The following CLNK variants were observed in gnomAD, a reference collection of about 807,000 sequenced individuals.
CLNK encodes the protein cytokine-dependent hematopoietic cell linker.
A neutral mutation model predicts 68.6 loss-of-function variants in CLNK; 74 were observed. That is an observed-to-expected ratio of 1.08 (90% CI 0.89 to 1.31). CLNK has a LOEUF of 1.31. Among genes scored for constraint, CLNK ranks in the 50% most tolerant of loss-of-function variants. CLNK has a pLI of 0.00. For missense variants in CLNK, 553 were observed against 515.3 expected (o/e 1.07, Z -0.71); for synonymous variants, 198 against 172.2 (o/e 1.15, Z -1.17).
At chr4:10,630,371 A>G (rs541935133) in intron 2 of CLNK, among the ~76,000 whole-genome samples, 1 of 152,368 alleles carries the variant, frequency 6.6e-6, no homozygotes, top group East Asian at 1.9e-4. Context: ...GAGATTCATG[A>G]AAGTCAAAGG....
chr4:10,578,671 C>T (rs1165693048), intron 4 of CLNK, among the ~76,000 whole-genome samples: 16 of 139,288 alleles, frequency 1.1e-4, no homozygotes, highest in African/African-American at 4.3e-4. Flanking sequence ...ACTGCAACCT[C>T]TGCCTCCTGA....
intron 2 of CLNK, among the ~76,000 whole-genome samples, chr4:10,617,135 C>T (rs1722266837): frequency 6.6e-6 from 1 of 152,050 alleles, no homozygotes; most frequent in South Asian, 2.1e-4. Flanking sequence ...AATAGCAACA[C>T]AAAAGAAACA....
intron 4 of CLNK, among the ~76,000 whole-genome samples, chr4:10,583,369 C>A (rs907680541): frequency 6.6e-6 from 1 of 152,106 alleles, no homozygotes; most frequent in Non-Finnish European, 1.5e-5. Context: ...TCCCTGCAAC[C>A]TCCATCTCCC....
At chr4:10,696,317 G>T in the CLNK span, among the ~76,000 whole-genome samples, 1 of 152,068 alleles carries the variant, frequency 6.6e-6, no homozygotes, top group East Asian at 1.9e-4. Context: ...ACTCAACATG[G>T]GCTTCATCTG....
intron 2 of CLNK, among the ~76,000 whole-genome samples, chr4:10,607,347 C>G (rs546164384): frequency 6.6e-6 from 1 of 152,312 alleles, no homozygotes; most frequent in Non-Finnish European, 1.5e-5. Flanking sequence ...AGTGAAGACA[C>G]AGTGGGTCTT....
intron 15 of CLNK, among the ~76,000 whole-genome samples, chr4:10,514,908 G>GA (rs978739245): frequency 6.6e-6 from 1 of 152,052 alleles, no homozygotes; most frequent in Non-Finnish European, 1.5e-5. Flanking sequence ...AAATTTACAA[G>GA]AAAAAAACAA....
chr4:10,502,218 A>T (rs1717084287), intron 17 of CLNK, among the ~76,000 whole-genome samples: 1 of 152,228 alleles, frequency 6.6e-6, no homozygotes, highest in Non-Finnish European at 1.5e-5. Context: ...ACTCAGTTCC[A>T]CATGGCTGGG....
intron 2 of CLNK, among the ~76,000 whole-genome samples, chr4:10,615,282 C>A (rs1286758608): frequency 6.6e-6 from 1 of 152,182 alleles, no homozygotes; most frequent in African/African-American, 2.4e-5. Context: ...GAGTTCGAAA[C>A]CAGCCAGGCC....
the CLNK span, among the ~76,000 whole-genome samples, chr4:10,710,398 C>A: frequency 1.3e-5 from 2 of 152,184 alleles, no homozygotes. Flanking sequence ...ACTAAGTAAA[C>A]TGAAGCAAAG....
Position 10,611,496 on chromosome 4 carries a change from GA to G in CLNK, c.12-13448del, listed in dbSNP as rs10692993. Among the ~76,000 whole-genome samples, 1,084 of 134,706 alleles carry G rather than the reference GA, an allele frequency of 8.0e-3. 21 individuals are homozygous for G. The highest frequency in any genetic ancestry group is 0.029 in the African/African-American group (1,041 of 36,204). 88.4% of individuals were successfully genotyped at this position (134,706 alleles called of 152,430 possible). ...CTGGCCACAGAGGGAGGCTAAGTCT[GA>G]AAAAAAAAAAAAAATGTAGTGGACC... is the stretch of plus-strand genomic sequence containing the variant. On this transcript the variant is annotated intron_variant, in intron 2 of 18. Coordinates refer to ENST00000226951, the MANE Select transcript of CLNK (RefSeq NM_052964.4).
intron 2 of CLNK, 65 bp from the exon 3 acceptor site, chr4:10,598,114 G>C: frequency 9.1e-7 from 1 of 1,096,094 alleles, no homozygotes; most frequent in Non-Finnish European, 1.3e-6. Context: ...AATTAATTAA[G>C]TGCATTCATT....
rs374885034 is a variant in CLNK at position 10,636,430 on chromosome 4, A to G, written c.11+31429T>C. Among the ~76,000 whole-genome samples, 8 of 152,320 alleles carry G rather than the reference A, an allele frequency of 5.3e-5. 1 individual carries two copies. Among genetic ancestry groups the G allele is most frequent in the African/African-American group, 1.9e-4 (8 of 41,584 alleles). On this transcript the variant is annotated intron_variant, in intron 2 of 18. Coordinates refer to ENST00000226951, the MANE Select transcript of CLNK (RefSeq NM_052964.4). Reference sequence around the variant, plus strand: ...AAGGACAGCCAGCAAATACTGGAAGATACGAGAGAGCACATCGCCCTGCTC... The same window carrying G: ...AAGGACAGCCAGCAAATACTGGAAGGTACGAGAGAGCACATCGCCCTGCTC...
chr4:10,730,691 T>A, the CLNK span, among the ~76,000 whole-genome samples: 2,664 of 152,290 alleles, frequency 0.017, 76 homozygotes, highest in African/African-American at 0.06. Context: ...ACATGCCTCA[T>A]GTACTGGAAA....
chr4:10,626,825 A>G (rs1276015646), intron 2 of CLNK, among the ~76,000 whole-genome samples: 1 of 152,204 alleles, frequency 6.6e-6, no homozygotes, highest in Admixed American at 6.5e-5. Context: ...ATGGAGTGTC[A>G]TGCCACGTGC....
At chr4:10,626,828 C>A (rs1035780538) in intron 2 of CLNK, among the ~76,000 whole-genome samples, 1 of 152,178 alleles carries the variant, frequency 6.6e-6, no homozygotes, top group African/African-American at 2.4e-5. Context: ...GAGTGTCATG[C>A]CACGTGCTTT....
chr4:10,661,951 C>G (rs1724206617), intron 2 of CLNK, among the ~76,000 whole-genome samples: 2 of 152,162 alleles, frequency 1.3e-5, no homozygotes, highest in African/African-American at 2.4e-5. Context: ...AATCTCTCCA[C>G]CTCTAAATAT....
intron 2 of CLNK, among the ~76,000 whole-genome samples, chr4:10,605,823 T>C (rs1334570852): frequency 2.0e-4 from 1 of 4,934 alleles, no homozygotes; most frequent in Admixed American, 3.8e-3. Context: ...CAAGACTCTG[T>C]CCAAAAAAAA....
At chr4:10,599,293 G>C (rs1721499191) in intron 2 of CLNK, among the ~76,000 whole-genome samples, 1 of 152,080 alleles carries the variant, frequency 6.6e-6, no homozygotes, top group Non-Finnish European at 1.5e-5. Flanking sequence ...ATGACTTGAG[G>C]CTCTCTCTTC....
intron 3 of CLNK, among the ~76,000 whole-genome samples, chr4:10,596,599 A>G (rs1462086095): frequency 2.6e-5 from 4 of 152,220 alleles, no homozygotes; most frequent in South Asian, 4.1e-4. Flanking sequence ...GTTGATTTAT[A>G]TATCTCAAAT....
Sources: gnomAD v4.1 joint callset for allele counts (sites outside exome capture counted in the v4.1 genomes callset) on GRCh38, gnomAD v4.1.1 for gene constraint, MANE v1.5 for transcripts, NCBI Gene and HGNC (gene_info 2026-07-23, HGNC 2026-07-21) for gene names.